Variants in PRKN observed in about 807,000 individuals in gnomAD.
PRKN encodes parkin RBR E3 ubiquitin protein ligase.
A neutral mutation model predicts 59.5 loss-of-function variants in PRKN; 56 were observed. The observed-to-expected ratio is 0.94, with a 90% CI of 0.76 to 1.18. The LOEUF (loss-of-function observed/expected upper bound fraction) is 1.18. Among genes scored for constraint, PRKN ranks in the 50% most tolerant of loss-of-function variants. PRKN has a pLI of 0.00. For synonymous variants in PRKN, 250 were observed against 222.1 expected, an observed-to-expected ratio of 1.13 and a Z score of -1.12; for missense variants, 657 against 596.4, an observed-to-expected ratio of 1.10 and a Z score of -1.06.
chr6:162,295,475 C>T (rs1015789194), intron 2 of PRKN, among the ~76,000 whole-genome samples: 12 of 152,170 alleles, frequency 7.9e-5, no homozygotes, highest in Admixed American at 3.3e-4. Context: ...CAGCATCCCT[C>T]GCCAGCTGAG....
At chr6:162,130,290 C>A (rs1229687783) in intron 4 of PRKN, among the ~76,000 whole-genome samples, 1 of 152,142 alleles carries the variant, frequency 6.6e-6, no homozygotes, top group African/African-American at 2.4e-5. Context: ...CAAACCCATT[C>A]ATTTCATCTA....
At chr6:161,856,543 T>C (rs546918249) in intron 6 of PRKN, among the ~76,000 whole-genome samples, 44 of 152,278 alleles carry the variant, frequency 2.9e-4, no homozygotes, top group Non-Finnish European at 5.1e-4. Context: ...ATACTGTTTT[T>C]TTAGTAGCAC....
intron 2 of PRKN, among the ~76,000 whole-genome samples, chr6:162,275,646 G>A (rs772497036): frequency 1.3e-5 from 2 of 151,984 alleles, no homozygotes; most frequent in Admixed American, 6.6e-5. Flanking sequence ...TTAGCCAGGC[G>A]TGGTGGCGGA....
At position 161,402,622 on chromosome 6, in the gene PRKN, T is replaced by C. The variant is rs1173388655; in HGVS notation, c.1084-15745A>G. Among the ~76,000 whole-genome samples, 1 of 152,030 alleles carries C rather than the reference T, an allele frequency of 6.6e-6. No homozygotes were observed. Among genetic ancestry groups the C allele is most frequent in the African/African-American group, 2.4e-5 (1 of 41,364 alleles). On this transcript the variant is annotated intron_variant, in intron 9 of 11. Coordinates refer to ENST00000366898, the MANE Select transcript of PRKN (RefSeq NM_004562.3). This position sits in a 1 kb window ranked among gnomAD's most constrained non-coding sequence, Gnocchi z 4.5. Reference sequence around the variant, plus strand: ...AAACAGATTAACAGGAGAAAGAGCATATTCAATTCTGTACACATGAGAGTC... The same window carrying C: ...AAACAGATTAACAGGAGAAAGAGCACATTCAATTCTGTACACATGAGAGTC...
In PRKN at chr6:161,742,773, G is replaced by A. The variant is rs529609880; in HGVS notation, c.871+42999C>T. On this transcript the variant is annotated intron_variant, in intron 7 of 11. Transcript: ENST00000366898. ...TAGCTCATTGGATTCTCACAGCCGC[G>A]CAGAGTAGCACCATGGCATTTTGAC... is the stretch of plus-strand genomic sequence containing the variant. Among the ~76,000 whole-genome samples the A allele has an allele frequency of 5.9e-5, 9 of 152,256 alleles. No individual in the cohort carries two copies. The South Asian group carries it at 1.0e-3, about 18-fold the overall frequency.
At chr6:161,933,401 G>A (rs1241445904) in intron 6 of PRKN, among the ~76,000 whole-genome samples, 1 of 152,160 alleles carries the variant, frequency 6.6e-6, no homozygotes, top group African/African-American at 2.4e-5. Flanking sequence ...AAATTTGTAT[G>A]AGAAAAATGA....
At chr6:162,223,732 C>T (rs1360959387) in intron 3 of PRKN, among the ~76,000 whole-genome samples, 1 of 151,646 alleles carries the variant, frequency 6.6e-6, no homozygotes, top group African/African-American at 2.4e-5. Flanking sequence ...ACCTTTGTAT[C>T]TCTTTCTTAT....
At chr6:162,398,451 C>G (rs1257157848) in intron 2 of PRKN, among the ~76,000 whole-genome samples, 1 of 151,706 alleles carries the variant, frequency 6.6e-6, no homozygotes, top group Non-Finnish European at 1.5e-5. Flanking sequence ...AGTGCAATGG[C>G]ACAATCTCGG....
chr6:162,223,541 A>T (rs1435338302), intron 3 of PRKN, among the ~76,000 whole-genome samples: 1 of 151,950 alleles, frequency 6.6e-6, no homozygotes, highest in Non-Finnish European at 1.5e-5. Context: ...TGACTAAATT[A>T]AATCAATGCT....
At chr6:162,278,590 C>T (rs1038853908) in intron 2 of PRKN, among the ~76,000 whole-genome samples, 14 of 151,714 alleles carry the variant, frequency 9.2e-5, no homozygotes, top group Middle Eastern at 3.4e-3. Flanking sequence ...CCTAAAACTG[C>T]TAAAAAATAA....
intron 8 of PRKN, among the ~76,000 whole-genome samples, chr6:161,563,500 T>C (rs958495021): frequency 6.6e-6 from 1 of 152,144 alleles, no homozygotes; most frequent in Non-Finnish European, 1.5e-5. Context: ...TTTCCTACAA[T>C]GTGATAATGT....
chr6:162,654,873 T>G (rs1206470138), intron 1 of PRKN, among the ~76,000 whole-genome samples: 1 of 151,812 alleles, frequency 6.6e-6, no homozygotes, highest in African/African-American at 2.4e-5. Context: ...TATAAAACCA[T>G]AAGGATTATG....
At chr6:162,626,952 CA>C in intron 1 of PRKN, among the ~76,000 whole-genome samples, 1 of 152,064 alleles carries the variant, frequency 6.6e-6, no homozygotes, top group Admixed American at 6.5e-5. Flanking sequence ...AAATTTTGAA[CA>C]AGCTGAAGAA....
chr6:162,474,996 C>T (rs12203013), intron 1 of PRKN, among the ~76,000 whole-genome samples: 10 of 152,068 alleles, frequency 6.6e-5, no homozygotes, highest in Non-Finnish European at 1.2e-4. Context: ...AAAAATTCTT[C>T]TGAGAATTGT....
At chr6:162,592,093 G>A (rs942970917) in intron 1 of PRKN, among the ~76,000 whole-genome samples, 5 of 152,018 alleles carry the variant, frequency 3.3e-5, no homozygotes, top group African/African-American at 4.8e-5. Context: ...TCCACCTCCC[G>A]GGTTCAAGAG....
At chr6:162,176,418 G>A (rs1378409952) in intron 4 of PRKN, among the ~76,000 whole-genome samples, 1 of 152,102 alleles carries the variant, frequency 6.6e-6, no homozygotes, top group Non-Finnish European at 1.5e-5. Flanking sequence ...GGACCCATAA[G>A]TAAATCTAGG....
At chr6:162,723,835 T>C (rs1303480870) in intron 1 of PRKN, among the ~76,000 whole-genome samples, 1 of 152,226 alleles carries the variant, frequency 6.6e-6, no homozygotes, top group Non-Finnish European at 1.5e-5. Flanking sequence ...TAGTGTATCC[T>C]ATAAAAGACT....
Position 161,498,231 on chromosome 6 carries a change from A to C in PRKN, c.1083+50623T>G, listed in dbSNP as rs956990519. Among the ~76,000 whole-genome samples, 10 of 152,352 alleles carry C rather than the reference A, an allele frequency of 6.6e-5. No individual in the cohort carries two copies. In the South Asian group the frequency reaches 1.9e-3, roughly 28 times the overall value. On this transcript the variant is annotated intron_variant, in intron 9 of 11. Transcript: ENST00000366898. The surrounding 1 kb of genome is among the most constrained non-coding windows in gnomAD (Gnocchi z 4.2). ...CAAGGGGATTTTTATTCAGGCTGCA[A>C]ATCAGTATCATGTTATAGAGTGTAT...
intron 1 of PRKN, among the ~76,000 whole-genome samples, chr6:162,646,298 A>T (rs1778184365): frequency 6.6e-6 from 1 of 151,676 alleles, no homozygotes; most frequent in Non-Finnish European, 1.5e-5. Flanking sequence ...TCATAGACAG[A>T]GTCTCTCTCT....
Sources: gnomAD v4.1 joint callset for allele counts (sites outside exome capture counted in the v4.1 genomes callset) on GRCh38, gnomAD v4.1.1 for gene constraint, Gnocchi (gnomAD v3.1) non-coding constraint, MANE v1.5 for transcripts, NCBI Gene and HGNC (gene_info 2026-07-23, HGNC 2026-07-21) for gene names.